ULK4: variants seen among roughly 807,000 people sequenced by gnomAD.
ULK4 encodes the protein inactive serine/threonine-protein kinase ULK4.
Under a neutral mutation model 160.6 loss-of-function variants are expected in ULK4, and 133 were observed. The observed-to-expected ratio is 0.83, with a 90% CI of 0.72 to 0.96. The LOEUF (loss-of-function observed/expected upper bound fraction) is 0.96, where lower values mean the gene tolerates loss of function less well. Among genes scored for constraint, ULK4 ranks in the 40% least tolerant of loss-of-function variants. ULK4 has a pLI of 0.00. For missense variants in ULK4, 1,580 were observed against 1,499.5 expected (o/e 1.05, Z -0.89); for synonymous variants, 534 against 539.8 (o/e 0.99, Z 0.15).
At chr3:41,431,547 C>CCCTTTTTTTTTTTTT (rs563543377) in intron 34 of ULK4, among the ~76,000 whole-genome samples, 4 of 95,868 alleles carry the variant, frequency 4.2e-5, no homozygotes, top group South Asian at 3.8e-4. Flanking sequence ...AATTCCCTCC[C>CCCTTTTTTTTTTTTT]TTTTTTTTTT....
intron 20 of ULK4, among the ~76,000 whole-genome samples, chr3:41,792,991 G>A (rs1276762351): frequency 6.6e-6 from 1 of 152,188 alleles, no homozygotes; most frequent in African/African-American, 2.4e-5. Context: ...TGGCCAAGAA[G>A]GTAAAACCAC....
At chr3:41,650,461 C>G (rs546685444) in intron 30 of ULK4, among the ~76,000 whole-genome samples, 1 of 152,234 alleles carries the variant, frequency 6.6e-6, no homozygotes, top group South Asian at 2.1e-4. Context: ...GATGCTACCA[C>G]GTTCCCCAGT....
chr3:41,775,590 G>A (rs1436285765), intron 21 of ULK4, among the ~76,000 whole-genome samples: 1 of 150,048 alleles, frequency 6.7e-6, no homozygotes, highest in Admixed American at 6.6e-5. Flanking sequence ...GTAGAGATGG[G>A]GTTTCACTAT....
At chr3:41,834,818 C>T (rs73079350) in intron 18 of ULK4, among the ~76,000 whole-genome samples, 16,628 of 152,174 alleles carry the variant, frequency 0.11, 1,226 homozygotes, top group Middle Eastern at 0.24. Context: ...CCAAGGTGGG[C>T]GAATCACTTC....
intron 32 of ULK4, among the ~76,000 whole-genome samples, chr3:41,540,356 A>C (rs1355596169): frequency 6.6e-6 from 1 of 152,176 alleles, no homozygotes; most frequent in East Asian, 1.9e-4. Context: ...GTCCCTCCAA[A>C]GGACATGAAC....
At chr3:41,647,685 T>G (rs1428337330) in intron 30 of ULK4, among the ~76,000 whole-genome samples, 2 of 152,234 alleles carry the variant, frequency 1.3e-5, no homozygotes, top group Non-Finnish European at 2.9e-5. Context: ...CGTTCTCAGA[T>G]CTCCAGCTGC....
chr3:41,531,266 C>A (rs1392138225), intron 32 of ULK4, among the ~76,000 whole-genome samples: 2 of 150,430 alleles, frequency 1.3e-5, no homozygotes, highest in African/African-American at 4.9e-5. Flanking sequence ...ATGGTGAAAC[C>A]CTGTCTCTAC....
chr3:41,361,748 G>A (rs1007988988), intron 35 of ULK4, among the ~76,000 whole-genome samples: 34 of 151,992 alleles, frequency 2.2e-4, no homozygotes, highest in Admixed American at 3.9e-4. Context: ...TAATAAAATG[G>A]AGCATCTTAC....
intron 35 of ULK4, among the ~76,000 whole-genome samples, chr3:41,267,257 T>C (rs1301953436): frequency 1.3e-5 from 2 of 152,142 alleles, no homozygotes; most frequent in African/African-American, 4.8e-5. Flanking sequence ...AGTGAGAACA[T>C]GCAATATTTG....
intron 21 of ULK4, among the ~76,000 whole-genome samples, chr3:41,783,604 G>A (rs896731718): frequency 1.2e-4 from 18 of 151,746 alleles, no homozygotes; most frequent in Non-Finnish European, 1.9e-4. Context: ...GAACTCTTAG[G>A]TTCATGCAAT....
chr3:41,621,589 C>A (rs2033247093), intron 30 of ULK4, among the ~76,000 whole-genome samples: 1 of 152,144 alleles, frequency 6.6e-6, no homozygotes. Flanking sequence ...GAACCCCTTC[C>A]TTACACTTTA....
At chr3:41,776,451 A>T (rs1185746248) in intron 21 of ULK4, among the ~76,000 whole-genome samples, 3 of 150,736 alleles carry the variant, frequency 2.0e-5, no homozygotes, top group African/African-American at 5.0e-5. Context: ...CTAACACTCA[A>T]ATGTCAACAA....
At chr3:41,676,908 C>CTTTTTTTTTTT (rs11304353) in intron 29 of ULK4, among the ~76,000 whole-genome samples, 5 of 91,288 alleles carry the variant, frequency 5.5e-5, no homozygotes, top group African/African-American at 2.2e-4. Flanking sequence ...CACCCCCAAC[C>CTTTTTTTTTTT]TTTTTTTTTT....
Position 41,900,742 on chromosome 3 carries a change from T to TG in ULK4, c.1269dup (p.Ile424HisfsTer14). ...TTCTGCACCTTTGGATTGTCGATAA[T>TG]GGGGGTGACAACAAGATCTGAGTCC... On this transcript the variant is annotated frameshift_variant, in exon 13 of 37. Transcript: ENST00000301831. LOFTEE classifies it high-confidence loss of function. The TG allele has an allele frequency of 6.2e-7, 1 of 1,613,454 alleles. No homozygotes were observed. Among genetic ancestry groups the TG allele is most frequent in the Non-Finnish European group, 8.5e-7 (1 of 1,179,582 alleles).
chr3:41,934,649 A>C (rs1410773297), intron 4 of ULK4, among the ~76,000 whole-genome samples: 1 of 152,206 alleles, frequency 6.6e-6, no homozygotes, highest in East Asian at 1.9e-4. Flanking sequence ...CCGGGTTCAC[A>C]TGGCTTCTAA....
In ULK4 at chr3:41,424,330, G is replaced by A. The variant is rs1418498005; in HGVS notation, c.3493-26066C>T. ...TGGTCTTTTAGGATGAGCAGACTTAGTCTTTCCTCCTGCTGGCTCTGAGGA... is the reference window on the plus strand; with the variant it reads ...TGGTCTTTTAGGATGAGCAGACTTAATCTTTCCTCCTGCTGGCTCTGAGGA... On this transcript the variant is annotated intron_variant, in intron 34 of 36. Transcript: ENST00000301831. Among the ~76,000 whole-genome samples the A allele has an allele frequency of 2.6e-5, 4 of 152,338 alleles. No homozygotes were observed. The East Asian group carries it at 7.7e-4, about 29-fold the overall frequency.
rs79634564 is a variant in ULK4 at position 41,249,726 on chromosome 3, C to T, written c.3679-152G>A. On this transcript the variant is annotated intron_variant, in intron 35 of 36. Transcript: ENST00000301831. ...CCTGGGCTTGTCTGTAACCCCCATGCGTAACCTCCCCCACAGAGTGTTGCT... is the reference window on the plus strand; with the variant it reads ...CCTGGGCTTGTCTGTAACCCCCATGTGTAACCTCCCCCACAGAGTGTTGCT... The T allele has an allele frequency of 1.6e-3, 1,129 of 711,152 alleles. 13 individuals are homozygous for T. The African/African-American group carries it at 0.019, about 12-fold the overall frequency. The allele number at this position is 711,152 out of a possible 1,614,324, so 44.1% of individuals were successfully genotyped here.
intron 27 of ULK4, among the ~76,000 whole-genome samples, chr3:41,696,593 T>C (rs1187111258): frequency 6.6e-6 from 1 of 152,166 alleles, no homozygotes; most frequent in African/African-American, 2.4e-5. Flanking sequence ...CTTTTATCTC[T>C]TTGTCTTATG....
intron 35 of ULK4, among the ~76,000 whole-genome samples, chr3:41,301,593 G>A (rs565957668): frequency 6.6e-6 from 1 of 152,136 alleles, no homozygotes; most frequent in Non-Finnish European, 1.5e-5. Flanking sequence ...GGCGTGCTAC[G>A]TTTAGAGTAT....
Sources: allele counts gnomAD v4.1 joint callset (sites outside exome capture counted in the v4.1 genomes callset), GRCh38; gene constraint gnomAD v4.1.1; transcripts MANE v1.5; gene names NCBI Gene and HGNC (gene_info 2026-07-23, HGNC 2026-07-21).